SHB: variants seen among roughly 807,000 people sequenced by gnomAD.
SHB encodes SH2 domain-containing adapter protein B.
A neutral mutation model predicts 52.3 loss-of-function variants in SHB; 20 were observed. The ratio of observed to expected loss-of-function variants is 0.38; its 90% CI spans 0.27 to 0.56. The LOEUF is 0.56. Among genes scored for constraint, SHB ranks in the 20% least tolerant of loss-of-function variants. The pLI, the probability that SHB is intolerant of heterozygous loss-of-function variation, is 0.71. For synonymous variants in SHB, 397 were observed against 316.5 expected, an observed-to-expected ratio of 1.25 and a Z score of -2.70; for missense variants, 825 against 723.3, an observed-to-expected ratio of 1.14 and a Z score of -1.61.
At chr9:37,979,615 T>C (rs1587225761) in intron 2 of SHB, among the ~76,000 whole-genome samples, 2 of 143,382 alleles carry the variant, frequency 1.4e-5, no homozygotes, top group Non-Finnish European at 1.5e-5. Context: ...ACTTAGTGCC[T>C]CCCTGAAAAA....
intron 2 of SHB, among the ~76,000 whole-genome samples, chr9:37,976,807 A>T (rs1007462290): frequency 6.6e-6 from 1 of 152,214 alleles, no homozygotes; most frequent in African/African-American, 2.4e-5. Flanking sequence ...CTGATGGCAT[A>T]AAGATATGGC....
chr9:37,980,933 T>G (rs992024188), intron 2 of SHB, among the ~76,000 whole-genome samples: 2 of 152,236 alleles, frequency 1.3e-5, no homozygotes, highest in African/African-American at 4.8e-5. Flanking sequence ...CTTAAAATAT[T>G]CAGTAAACCA....
Position 38,035,810 on chromosome 9 carries a change from T to C in SHB, c.718-19679A>G, listed in dbSNP as rs1173856775. On this transcript the variant is annotated intron_variant, in intron 1 of 5. Coordinates refer to ENST00000377707, the MANE Select transcript of SHB (RefSeq NM_003028.3). The stretch of plus-strand genomic sequence containing the variant: ...CATAGCTGCACATCAGAAAAACTCC[T>C]GGGGAGCTTTTACAATGCACCATGC... Among the ~76,000 whole-genome samples the C allele has an allele frequency of 2.0e-5, 3 of 152,164 alleles. No homozygotes were observed. The East Asian group carries it at 5.8e-4, about 29-fold the overall frequency.
chr9:38,060,697 T>A (rs1821881503), intron 1 of SHB, among the ~76,000 whole-genome samples: 1 of 152,182 alleles, frequency 6.6e-6, no homozygotes, highest in Non-Finnish European at 1.5e-5. Context: ...TTCAAGTGAT[T>A]GTACCTTTTT....
intron 2 of SHB, among the ~76,000 whole-genome samples, chr9:37,996,202 C>T (rs1333371036): frequency 6.6e-6 from 1 of 152,220 alleles, no homozygotes. Context: ...AGGAAGCCAC[C>T]AGGCCATCTG....
intron 5 of SHB, among the ~76,000 whole-genome samples, chr9:37,936,143 G>C (rs1159753887): frequency 1.3e-5 from 2 of 152,114 alleles, no homozygotes; most frequent in African/African-American, 2.4e-5. Flanking sequence ...TTGAACTTGG[G>C]AGGCAGAGGT....
At chr9:38,024,542 TCA>T (rs145930113) in intron 1 of SHB, among the ~76,000 whole-genome samples, 3 of 151,480 alleles carry the variant, frequency 2.0e-5, no homozygotes, top group Non-Finnish European at 4.4e-5. Context: ...TCTCTCTCCG[TCA>T]CACACACACA....
chr9:38,008,509 G>T (rs1821098091), intron 2 of SHB, among the ~76,000 whole-genome samples: 1 of 152,262 alleles, frequency 6.6e-6, no homozygotes, highest in South Asian at 2.1e-4. Context: ...CTACGACCAA[G>T]CCTGCTACCT....
At chr9:37,972,489 T>C (rs1489975912) in intron 3 of SHB, among the ~76,000 whole-genome samples, 3 of 152,194 alleles carry the variant, frequency 2.0e-5, no homozygotes, top group African/African-American at 7.2e-5. Flanking sequence ...CTTGAGGACC[T>C]CACAGCCTGG....
chr9:37,942,989 A>G (rs1331255955), intron 5 of SHB, among the ~76,000 whole-genome samples: 1 of 152,146 alleles, frequency 6.6e-6, no homozygotes, highest in African/African-American at 2.4e-5. Context: ...TCATGGTTCT[A>G]GAATACAGCC....
intron 3 of SHB, among the ~76,000 whole-genome samples, chr9:37,972,121 G>A (rs1173513283): frequency 2.6e-5 from 4 of 152,194 alleles, no homozygotes; most frequent in Non-Finnish European, 5.9e-5. Context: ...GCCCACAGGG[G>A]GTCAGTCCAG....
chr9:37,973,374 C>T (rs1406580156), intron 3 of SHB, among the ~76,000 whole-genome samples: 1 of 152,206 alleles, frequency 6.6e-6, no homozygotes. Flanking sequence ...CAGTCATGTG[C>T]CACCACGCCC....
At position 38,068,521 on chromosome 9, in the gene SHB, TG is replaced by T. The variant is rs778597364; in HGVS notation, c.124del (p.Gln42ArgfsTer199). 5.5e-6 allele frequency: 8 copies of T among 1,461,998 alleles called. No homozygotes were observed. Among genetic ancestry groups the T allele is most frequent in the Non-Finnish European group, 7.2e-6 (8 of 1,117,236 alleles). 90.6% of individuals were successfully genotyped at this position (1,461,998 alleles called of 1,614,324 possible). A position where few individuals can be genotyped will look rare whatever the true frequency, so the allele number is the denominator to read the frequency against. On this transcript the variant is annotated frameshift_variant, in exon 1 of 6. Coordinates refer to ENST00000377707, the MANE Select transcript of SHB (RefSeq NM_003028.3). LOFTEE classifies it high-confidence loss of function. ...GGCGGAGGAGGCCTGCGGCACGGCC[TG>T]GGGGGGCTGCGAAGGCCGCTCGCCT... is the stretch of plus-strand genomic sequence containing the variant. ...RRGERPSQPP[Q>X]AVPQASSAAS...
chr9:37,920,351 T>C (rs1443528998), intron 5 of SHB, among the ~76,000 whole-genome samples: 2 of 151,874 alleles, frequency 1.3e-5, no homozygotes, highest in East Asian at 3.8e-4. Context: ...CCCTCTTTTC[T>C]ATTACCAGTG....
chr9:38,036,719 T>C (rs1017481313), intron 1 of SHB, among the ~76,000 whole-genome samples: 1 of 152,198 alleles, frequency 6.6e-6, no homozygotes, highest in Non-Finnish European at 1.5e-5. Flanking sequence ...AGTGAGGGAC[T>C]TGAGAGAGCA....
chr9:37,926,988 C>T (rs1411650774), intron 5 of SHB, among the ~76,000 whole-genome samples: 1 of 152,240 alleles, frequency 6.6e-6, no homozygotes, highest in Non-Finnish European at 1.5e-5. Flanking sequence ...CTGGACTAAC[C>T]TGTGGCCTCC....
chr9:38,036,673 A>G (rs1214549162), intron 1 of SHB, among the ~76,000 whole-genome samples: 1 of 152,238 alleles, frequency 6.6e-6, no homozygotes, highest in Non-Finnish European at 1.5e-5. Context: ...TCTGAGCCCC[A>G]GACTCTCTGG....
intron 1 of SHB, among the ~76,000 whole-genome samples, chr9:38,063,842 G>C (rs1821926924): frequency 7.3e-6 from 1 of 137,120 alleles, no homozygotes; most frequent in Admixed American, 7.5e-5. Flanking sequence ...TATTTATTCT[G>C]TAACTATGGA....
At position 37,917,014 on chromosome 9, in the gene SHB, T is replaced by C. The variant is rs1228298435; in HGVS notation, c.*2807A>G. On this transcript the variant is annotated 3_prime_UTR_variant, in exon 6 of 6. Transcript: ENST00000377707. ...CTCAAAGAAATCCAGCTCAATTTTT[T>C]CCCCAATTAATTGGCAGCAGATGAA... Among the ~76,000 whole-genome samples the C allele has an allele frequency of 3.4e-5, 5 of 146,072 alleles. No homozygotes were observed. Among genetic ancestry groups the C allele is most frequent in the East Asian group, 2.0e-4 (1 of 4,942 alleles).
Sources: gnomAD v4.1 joint callset for allele counts (sites outside exome capture counted in the v4.1 genomes callset) on GRCh38, gnomAD v4.1.1 for gene constraint, MANE v1.5 for transcripts, NCBI Gene and HGNC (gene_info 2026-07-23, HGNC 2026-07-21) for gene names.